The following SSBP3 variants were observed in gnomAD, a reference collection of about 807,000 sequenced individuals.
SSBP3 encodes single-stranded DNA-binding protein 3.
A neutral mutation model predicts 69.6 loss-of-function variants in SSBP3; 5 were observed. The ratio of observed to expected loss-of-function variants is 0.07; its 90% confidence interval spans 0.04 to 0.15. SSBP3 has a LOEUF of 0.15. SSBP3 is among the 10% of genes least tolerant of loss of function. The pLI is 1.00. For missense variants in SSBP3, 312 were observed against 534.0 expected, an observed-to-expected ratio of 0.58 and a Z score of 4.10; for synonymous variants, 196 against 193.4, an observed-to-expected ratio of 1.01 and a Z score of -0.11.
At chr1:54,238,634 A>G (rs976659541) in intron 14 of SSBP3, 2 of 316,398 alleles carry the variant, frequency 6.3e-6, no homozygotes, top group East Asian at 8.6e-5. Context: ...TGCAACTCTG[A>G]GAGGCAAAGA....
chr1:54,242,255 G>GT (rs1364355885), intron 10 of SSBP3, 43 bp from the exon 11 acceptor site: 4 of 1,611,162 alleles, frequency 2.5e-6, no homozygotes, highest in Non-Finnish European at 3.4e-6. Context: ...AAAAGGCGCT[G>GT]TAAACTCCAA....
At chr1:54,338,220 A>T (rs1279515331) in intron 4 of SSBP3, among the ~76,000 whole-genome samples, 2 of 152,224 alleles carry the variant, frequency 1.3e-5, no homozygotes, top group African/African-American at 4.8e-5. Context: ...CCCCTACTGC[A>T]ATGGGGCTGC....
chr1:54,376,056 G>C (rs1489048102), intron 4 of SSBP3, among the ~76,000 whole-genome samples: 1 of 152,122 alleles, frequency 6.6e-6, no homozygotes, highest in Non-Finnish European at 1.5e-5. Flanking sequence ...CCACTCCACA[G>C]TACCCAGGAG....
chr1:54,410,568 T>C (rs1649962629), upstream of SSBP3, among the ~76,000 whole-genome samples: 1 of 152,248 alleles, frequency 6.6e-6, no homozygotes, highest in South Asian at 2.1e-4. Context: ...TGCACGGGGA[T>C]ACCTCTGATC....
intron 5 of SSBP3, 39 bp downstream of exon 5, chr1:54,281,399 T>C (rs1645388697): frequency 2.0e-6 from 3 of 1,512,628 alleles, no homozygotes; most frequent in African/African-American, 1.4e-5. Flanking sequence ...CGGCCTGGAA[T>C]ACAAGGTGGA....
intron 4 of SSBP3, among the ~76,000 whole-genome samples, chr1:54,322,487 T>C (rs1245852942): frequency 6.6e-6 from 1 of 152,004 alleles, no homozygotes; most frequent in Non-Finnish European, 1.5e-5. Context: ...ATCTAGGATA[T>C]AGCTCATTCT....
intron 4 of SSBP3, among the ~76,000 whole-genome samples, chr1:54,360,402 G>T (rs931901832): frequency 6.6e-6 from 1 of 152,170 alleles, no homozygotes; most frequent in Non-Finnish European, 1.5e-5. Context: ...AAAAGAATTA[G>T]CAAACAAATT....
intron 14 of SSBP3, chr1:54,238,785 C>T (rs927520437): frequency 6.3e-5 from 14 of 221,240 alleles, no homozygotes; most frequent in South Asian, 4.5e-4. Context: ...AGGGATTGCC[C>T]GGGCCACAGC....
At chr1:54,295,757 G>A (rs1236360142) in intron 4 of SSBP3, among the ~76,000 whole-genome samples, 2 of 152,148 alleles carry the variant, frequency 1.3e-5, no homozygotes, top group East Asian at 1.9e-4. Context: ...AGCCACAGGG[G>A]ACACTAGCTG....
At chr1:54,294,394 A>G (rs542962876) in intron 4 of SSBP3, among the ~76,000 whole-genome samples, 1 of 150,322 alleles carries the variant, frequency 6.7e-6, no homozygotes, top group African/African-American at 2.5e-5. Flanking sequence ...CTCACAAACG[A>G]CTTGGGCAGG....
exon 15 of SSBP3, chr1:54,228,813 G>A: frequency 6.2e-7 from 1 of 1,611,850 alleles, no homozygotes; most frequent in Middle Eastern, 1.7e-4. Flanking sequence ...GTCCGAGCCG[G>A]GACCCATCGG....
At chr1:54,238,929 C>A (rs1257344541) in intron 14 of SSBP3, 200 bp downstream of exon 14, 2 of 391,148 alleles carry the variant, frequency 5.1e-6, no homozygotes, top group Non-Finnish European at 1.0e-5. Context: ...CATCGTCCCA[C>A]CCCTTCCTCT....
At chr1:54,239,074 T>C in intron 14 of SSBP3, 55 bp downstream of exon 14, 2 of 1,445,760 alleles carry the variant, frequency 1.4e-6, no homozygotes, top group Non-Finnish European at 1.9e-6. Context: ...GCTGATGAAG[T>C]TAATTATGAT....
chr1:54,347,076 C>T (rs1418663028), intron 4 of SSBP3, among the ~76,000 whole-genome samples: 2 of 152,096 alleles, frequency 1.3e-5, no homozygotes, highest in Non-Finnish European at 2.9e-5. Context: ...ATCCTCCTGC[C>T]TCAGCCTCCC....
intron 4 of SSBP3, among the ~76,000 whole-genome samples, chr1:54,339,743 T>A (rs1267270152): frequency 6.6e-6 from 1 of 152,004 alleles, no homozygotes; most frequent in East Asian, 1.9e-4. Flanking sequence ...CGAAACCCCA[T>A]CTCTACTAAA....
At chr1:54,282,423 A>G (rs1291971393) in intron 4 of SSBP3, among the ~76,000 whole-genome samples, 3 of 152,200 alleles carry the variant, frequency 2.0e-5, no homozygotes, top group African/African-American at 7.2e-5. Flanking sequence ...TAGGTGTCTC[A>G]TGAGAGAGAG....
rs555460465 is a variant in SSBP3 at position 54,241,334 on chromosome 1, T to C, written c.801+140A>G. Reference sequence around the variant, plus strand: ...TTGGGTCTGTACAGATGACTGAATATTGACAGCAAGTTCTAGCAGTTTGGA... The same window carrying C: ...TTGGGTCTGTACAGATGACTGAATACTGACAGCAAGTTCTAGCAGTTTGGA... On this transcript the variant is annotated intron_variant, in intron 12 of 17. Transcript: ENST00000610401. 165 of 1,003,460 alleles carry C rather than the reference T, an allele frequency of 1.6e-4. No individual in the cohort carries two copies. In the African/African-American group the frequency reaches 2.5e-3, roughly 15 times the overall value. 62.2% of individuals were successfully genotyped at this position (1,003,460 alleles called of 1,614,324 possible).
At chr1:54,265,094 A>G (rs1645079111) in intron 5 of SSBP3, among the ~76,000 whole-genome samples, 1 of 152,188 alleles carries the variant, frequency 6.6e-6, no homozygotes, top group South Asian at 2.1e-4. Context: ...GTCTGGGGAG[A>G]AGGTCAAGGT....
At chr1:54,394,761 G>A (rs2100781764) in intron 4 of SSBP3, among the ~76,000 whole-genome samples, 1 of 137,610 alleles carries the variant, frequency 7.3e-6, no homozygotes, top group South Asian at 2.3e-4. Context: ...GGAGTGCAAT[G>A]GCGCCATCTC....
Sources: allele counts gnomAD v4.1 joint callset (sites outside exome capture counted in the v4.1 genomes callset), GRCh38; gene constraint gnomAD v4.1.1; transcripts MANE v1.5; gene names NCBI Gene and HGNC (gene_info 2026-07-23, HGNC 2026-07-21).